Variants in PALLD observed in about 807,000 individuals in gnomAD.
PALLD encodes palladin, cytoskeletal associated protein.
A neutral mutation model predicts 123.5 loss-of-function variants in PALLD; 61 were observed. The ratio of observed to expected loss-of-function variants is 0.49; its 90% CI spans 0.40 to 0.61. The LOEUF (loss-of-function observed/expected upper bound fraction) is 0.61, where lower values mean the gene tolerates loss of function less well. PALLD is among the 20% of genes least tolerant of loss of function. The pLI, the probability that PALLD is intolerant of heterozygous loss-of-function variation, is 0.00. For synonymous variants in PALLD, 465 were observed against 496.4 expected, an observed-to-expected ratio of 0.94 and a Z score of 0.84; for missense variants, 1,273 against 1,377.0, an observed-to-expected ratio of 0.92 and a Z score of 1.20.
Position 168,759,031 on chromosome 4 carries a change from T to C in PALLD, c.1964+47108T>C, listed in dbSNP as rs183939998. 6.9e-3 allele frequency among the ~76,000 whole-genome samples: 1,032 copies of C among 150,516 alleles called. 8 individuals carry two copies. The highest frequency in any genetic ancestry group is 0.011 in the Non-Finnish European group (727 of 67,610). On this transcript the variant is annotated intron_variant, in intron 10 of 21. Transcript: ENST00000505667. ...CTCTACTAAAAATACAAAAAAAAAT[T>C]AGCCAGGCGTGATAGCAGGTACCTG...
At position 168,832,062 on chromosome 4, in the gene PALLD, G is replaced by A. The variant is rs61747100; in HGVS notation, c.1965-58860G>A. 6.2e-3 allele frequency: 6,146 copies of A among 985,412 alleles called. 301 individuals are homozygous for A. In the African/African-American group the frequency reaches 0.1, roughly 16 times the overall value. 61.0% of individuals were successfully genotyped at this position (985,412 alleles called of 1,614,324 possible). Reference sequence around the variant, plus strand: ...GCCTCCTGAGTCACCCGGCGGGCGAGGTATAAAGCCCGATACCTGCCCCGC... The same window carrying A: ...GCCTCCTGAGTCACCCGGCGGGCGAAGTATAAAGCCCGATACCTGCCCCGC... On this transcript the variant is annotated intron_variant, in intron 10 of 21. Transcript: ENST00000505667.
intron 10 of PALLD, among the ~76,000 whole-genome samples, chr4:168,809,338 T>C (rs1412764372): frequency 1.0e-5 from 1 of 99,654 alleles, no homozygotes; most frequent in East Asian, 2.2e-4. Flanking sequence ...CTTCTTCTTC[T>C]TCTTTTTTTT....
At chr4:168,837,011 C>A (rs978715845) in intron 10 of PALLD, among the ~76,000 whole-genome samples, 7 of 152,168 alleles carry the variant, frequency 4.6e-5, no homozygotes, top group Non-Finnish European at 1.0e-4. Context: ...AAAAGGGACT[C>A]CACCTTCTCT....
intron 10 of PALLD, among the ~76,000 whole-genome samples, chr4:168,821,967 C>G (rs1742788284): frequency 6.6e-6 from 1 of 151,830 alleles, no homozygotes; most frequent in South Asian, 2.1e-4. Context: ...TGTATAATAC[C>G]CCAACACCCA....
rs35555541 is a variant in PALLD, at chr4:168,527,422, C to CAAAAAAAAA, written c.908+15024_908+15032dup. Reference sequence around the variant, plus strand: ...GGGCAACAGGAGTGAAACTCCATCTCAAAAAAAAAAAAAAAAAAAAAAGTC... The same window carrying CAAAAAAAAA: ...GGGCAACAGGAGTGAAACTCCATCTCAAAAAAAAAAAAAAAAAAAAAAAAAAAAAAAGTC... On this transcript the variant is annotated intron_variant, in intron 2 of 21. Transcript: ENST00000505667. Among the ~76,000 whole-genome samples the CAAAAAAAAA allele has an allele frequency of 9.2e-3, 489 of 52,900 alleles. 76 individuals are homozygous for CAAAAAAAAA. Among genetic ancestry groups the CAAAAAAAAA allele is most frequent in the African/African-American group, 0.051 (456 of 8,856 alleles). 34.7% of individuals were successfully genotyped at this position (52,900 alleles called of 152,430 possible). A position where few individuals can be genotyped will look rare whatever the true frequency, so the allele number is the denominator to read the frequency against.
chr4:168,646,908 A>G (rs1195751468), intron 2 of PALLD, among the ~76,000 whole-genome samples: 1 of 152,194 alleles, frequency 6.6e-6, no homozygotes, highest in Non-Finnish European at 1.5e-5. Context: ...CTTTCTAAAT[A>G]ATGGTATAAA....
At chr4:168,688,826 G>T (rs1489307277) in intron 6 of PALLD, among the ~76,000 whole-genome samples, 1 of 152,044 alleles carries the variant, frequency 6.6e-6, no homozygotes. Context: ...GTCTCTTTTG[G>T]TGCCTCAAAG....
intron 2 of PALLD, among the ~76,000 whole-genome samples, chr4:168,639,766 G>A (rs147173402): frequency 2.4e-4 from 36 of 152,078 alleles, no homozygotes; most frequent in East Asian, 1.7e-3. Context: ...GGATGGTCTC[G>A]ATCTTCTGAC....
chr4:168,842,140 T>C (rs949726645), intron 10 of PALLD, among the ~76,000 whole-genome samples: 2 of 152,182 alleles, frequency 1.3e-5, no homozygotes, highest in Admixed American at 1.3e-4. Context: ...GCCCTTGAGG[T>C]AATCTGCTCC....
chr4:168,779,201 A>G (rs1735566487), intron 10 of PALLD, among the ~76,000 whole-genome samples: 1 of 152,278 alleles, frequency 6.6e-6, no homozygotes, highest in East Asian at 1.9e-4. Context: ...TTGTTAATGT[A>G]CTCCTTACTC....
At chr4:168,786,052 G>A (rs62334298) in intron 10 of PALLD, among the ~76,000 whole-genome samples, 22,366 of 151,622 alleles carry the variant, frequency 0.15, 2,039 homozygotes, top group Non-Finnish European at 0.21. Context: ...ACTGTCGGCC[G>A]GGCGCAGTGG....
intron 3 of PALLD, among the ~76,000 whole-genome samples, chr4:168,671,975 C>G (rs1426145265): frequency 2.6e-5 from 4 of 152,152 alleles, no homozygotes; most frequent in African/African-American, 9.7e-5. Context: ...TAGAATGATA[C>G]AAAAGAAATT....
At chr4:168,618,513 A>G (rs1483867047) in intron 2 of PALLD, among the ~76,000 whole-genome samples, 1 of 152,200 alleles carries the variant, frequency 6.6e-6, no homozygotes, top group Non-Finnish European at 1.5e-5. Flanking sequence ...AGAATAATAT[A>G]TCGAAGCATC....
chr4:168,633,136 T>C (rs1276004333), intron 2 of PALLD, among the ~76,000 whole-genome samples: 2 of 152,196 alleles, frequency 1.3e-5, no homozygotes, highest in Non-Finnish European at 2.9e-5. Context: ...TTCTCACACT[T>C]CCAAGTGGAG....
At chr4:168,597,227 T>C (rs1262080438) in intron 2 of PALLD, among the ~76,000 whole-genome samples, 1 of 152,064 alleles carries the variant, frequency 6.6e-6, no homozygotes. Context: ...AAATATACCA[T>C]ATACTATTTA....
chr4:168,633,235 C>T (rs1776009717), intron 2 of PALLD, among the ~76,000 whole-genome samples: 1 of 152,186 alleles, frequency 6.6e-6, no homozygotes, highest in Non-Finnish European at 1.5e-5. Flanking sequence ...CAAGTTCCAG[C>T]TTATAATTGC....
chr4:168,540,046 A>G (rs1285134259), intron 2 of PALLD, among the ~76,000 whole-genome samples: 1 of 152,046 alleles, frequency 6.6e-6, no homozygotes, highest in Non-Finnish European at 1.5e-5. Context: ...ATGTAAACCA[A>G]CTATAGTGTA....
chr4:168,682,897 T>C (rs1023856936), intron 4 of PALLD, 101 bp from the exon 5 acceptor site: 13 of 705,196 alleles, frequency 1.8e-5, no homozygotes, highest in Non-Finnish European at 3.2e-5. Flanking sequence ...ACCCAGCTTT[T>C]CTGTTGAAAC....
At chr4:168,758,373 C>G (rs1000840073) in intron 10 of PALLD, among the ~76,000 whole-genome samples, 1 of 152,186 alleles carries the variant, frequency 6.6e-6, no homozygotes, top group South Asian at 2.1e-4. Flanking sequence ...GAAATGCTGC[C>G]TGTCCTCTTT....
Sources: allele counts gnomAD v4.1 joint callset (sites outside exome capture counted in the v4.1 genomes callset), GRCh38; gene constraint gnomAD v4.1.1; transcripts MANE v1.5; gene names NCBI Gene and HGNC (gene_info 2026-07-23, HGNC 2026-07-21).